Variants in RXRA observed in about 807,000 individuals in gnomAD.
RXRA encodes the protein retinoid X receptor alpha.
A neutral mutation model predicts 44.5 loss-of-function variants in RXRA; 5 were observed. The observed-to-expected ratio is 0.11, with a 90% confidence interval of 0.06 to 0.24. RXRA has a LOEUF of 0.24. RXRA is among the 10% of genes least tolerant of loss of function. The pLI, the probability that RXRA is intolerant of heterozygous loss-of-function variation, is 1.00. For synonymous variants in RXRA, 291 were observed against 271.4 expected (o/e 1.07, Z -0.71); for missense variants, 412 against 646.5 (o/e 0.64, Z 3.93).
At chr9:134,391,538 T>C (rs1475825358) in intron 1 of RXRA, among the ~76,000 whole-genome samples, 1 of 152,200 alleles carries the variant, frequency 6.6e-6, no homozygotes, top group East Asian at 1.9e-4. Flanking sequence ...CTCCAGGAAT[T>C]CCCCTGCTTC....
rs117610793 is a variant in RXRA, at chr9:134,369,930, G to A, written c.29-31702G>A. 1.1e-4 allele frequency among the ~76,000 whole-genome samples: 16 copies of A among 152,302 alleles called. No individual in the cohort carries two copies. The East Asian group carries it at 1.5e-3, about 15-fold the overall frequency. On this transcript the variant is annotated intron_variant, in intron 1 of 9. Transcript: ENST00000481739. ...CAGCATGTGTACTGTGTTTGCACACGTGGGAGCTCGCCACGGAGTCTGCCT... is the reference window on the plus strand; with the variant it reads ...CAGCATGTGTACTGTGTTTGCACACATGGGAGCTCGCCACGGAGTCTGCCT...
At chr9:134,408,541 A>G (rs1458406358) in intron 3 of RXRA, among the ~76,000 whole-genome samples, 2 of 152,144 alleles carry the variant, frequency 1.3e-5, no homozygotes, top group Non-Finnish European at 2.9e-5. Context: ...AGGCTTCCGG[A>G]GAGGAGGTGG....
At position 134,408,990 on chromosome 9, in the gene RXRA, C is replaced by A; in HGVS notation, c.481C>A (p.Arg161=). Residue 161 remains arginine (R), a synonymous_variant, in exon 4 of 10, where the codon CGG becomes AGG. Transcript: ENST00000481739. The part of the protein sequence containing the change: ...SCEGCKGFFK[R]TVRKDLTYTC... The stretch of plus-strand genomic sequence containing the variant: ...CGAGGGGTGCAAGGGCTTCTTCAAG[C>A]GGACGGTGCGCAAGGACCTGACCTA... The A allele has an allele frequency of 1.2e-6, 2 of 1,607,516 alleles. No homozygotes were observed. Among genetic ancestry groups the A allele is most frequent in the Non-Finnish European group, 8.5e-7 (1 of 1,177,042 alleles).
At position 134,386,950 on chromosome 9, in the gene RXRA, G is replaced by A. The variant is rs556201359; in HGVS notation, c.29-14682G>A. ...GGTTGTGGCAGGGACTTGTGTAGCC[G>A]GAGGGGTGCAGTGGACCTGACCCCG... On this transcript the variant is annotated intron_variant, in intron 1 of 9. Transcript: ENST00000481739. Among the ~76,000 whole-genome samples, 5 of 152,304 alleles carry A rather than the reference G, an allele frequency of 3.3e-5. No individual in the cohort carries two copies. The South Asian group carries it at 6.2e-4, about 19-fold the overall frequency.
intron 1 of RXRA, among the ~76,000 whole-genome samples, chr9:134,347,262 G>A (rs1238823818): frequency 2.0e-5 from 3 of 152,226 alleles, no homozygotes; most frequent in Admixed American, 2.0e-4. Context: ...GCCAAGGGAA[G>A]TAATAATGTT....
intron 1 of RXRA, chr9:134,379,956 T>C: frequency 2.0e-6 from 2 of 985,222 alleles, no homozygotes; most frequent in Non-Finnish European, 2.4e-6. Flanking sequence ...CCTGCTCCCC[T>C]GGGGGTTGGT....
At chr9:134,367,851 T>TCCTGGGC (rs1830433489) in intron 1 of RXRA, among the ~76,000 whole-genome samples, 1 of 152,204 alleles carries the variant, frequency 6.6e-6, no homozygotes, top group African/African-American at 2.4e-5. Flanking sequence ...CGAAACTGGT[T>TCCTGGGC]CCTGGGCCCC....
chr9:134,354,836 C>T (rs1435879565), intron 1 of RXRA, among the ~76,000 whole-genome samples: 1 of 152,274 alleles, frequency 6.6e-6, no homozygotes, highest in African/African-American at 2.4e-5. Flanking sequence ...GGATTTGCCT[C>T]TCCCCGTCCC....
At chr9:134,427,889 C>T (rs765081889) in intron 6 of RXRA, among the ~76,000 whole-genome samples, 1 of 152,192 alleles carries the variant, frequency 6.6e-6, no homozygotes, top group Non-Finnish European at 1.5e-5. Context: ...GCCTCTAGAG[C>T]GCTCAGGGAG....
chr9:134,370,757 G>T (rs374682164), intron 1 of RXRA, among the ~76,000 whole-genome samples: 4 of 152,196 alleles, frequency 2.6e-5, no homozygotes, highest in Admixed American at 2.6e-4. Flanking sequence ...GTGTGGCGGC[G>T]CCGGGTGGGC....
At chr9:134,386,590 G>A (rs1239804351) in intron 1 of RXRA, among the ~76,000 whole-genome samples, 2 of 152,312 alleles carry the variant, frequency 1.3e-5, no homozygotes, top group South Asian at 2.1e-4. Flanking sequence ...GTCTGGTCAC[G>A]GCTGCTCCGT....
rs941675907 is a variant in RXRA at position 134,426,882 on chromosome 9, A to T, written c.911-2226A>T. ...GCCCTTGGCCACAGGAAGTCTGTCC[A>T]CACTGGGCCTGGTGTGGGAAGGGAG... On this transcript the variant is annotated intron_variant, in intron 6 of 9. Transcript: ENST00000481739. This position sits in a 1 kb window ranked among gnomAD's most constrained non-coding sequence, Gnocchi z 4.6. 2.0e-6 allele frequency: 2 copies of T among 985,380 alleles called. No homozygotes were observed. Among genetic ancestry groups the T allele is most frequent in the Non-Finnish European group, 2.4e-6 (2 of 829,896 alleles). 61.0% of individuals were successfully genotyped at this position (985,380 alleles called of 1,614,324 possible). A position where few individuals can be genotyped will look rare whatever the true frequency, so the allele number is the denominator to read the frequency against.
At chr9:134,335,546 G>A (rs1260061052) in intron 1 of RXRA, among the ~76,000 whole-genome samples, 2 of 152,210 alleles carry the variant, frequency 1.3e-5, no homozygotes, top group African/African-American at 4.8e-5. Flanking sequence ...GGCTCCTCTG[G>A]CCTGCCCCTT....
intron 1 of RXRA, among the ~76,000 whole-genome samples, chr9:134,339,302 C>T (rs1190961518): frequency 6.6e-6 from 1 of 152,262 alleles, no homozygotes; most frequent in Non-Finnish European, 1.5e-5. Context: ...CCCAGACCCT[C>T]CTCTGTCTGC....
At chr9:134,391,486 G>C (rs994677357) in intron 1 of RXRA, among the ~76,000 whole-genome samples, 3 of 152,156 alleles carry the variant, frequency 2.0e-5, no homozygotes, top group African/African-American at 7.2e-5. Flanking sequence ...CAGGCTGGGG[G>C]CCCCCTCGCC....
At chr9:134,384,589 G>T (rs1381654607) in intron 1 of RXRA, among the ~76,000 whole-genome samples, 1 of 152,124 alleles carries the variant, frequency 6.6e-6, no homozygotes, top group Non-Finnish European at 1.5e-5. Context: ...AGCTGTGGGT[G>T]CAGGGTGAGC....
In RXRA at chr9:134,366,525, C is replaced by A. The variant is rs1830416832; in HGVS notation, c.29-35107C>A. On this transcript the variant is annotated intron_variant, in intron 1 of 9. Transcript: ENST00000481739. The surrounding 1 kb of genome is among the most constrained non-coding windows in gnomAD (Gnocchi z 5.9). ...GGAGTCCCCCTCCCCAGCAGCCACCCCGTGCCATGGGCCTCCAGGTCCCCC... is the reference window on the plus strand; with the variant it reads ...GGAGTCCCCCTCCCCAGCAGCCACCACGTGCCATGGGCCTCCAGGTCCCCC... Among the ~76,000 whole-genome samples, 1 of 152,224 alleles carries A rather than the reference C, an allele frequency of 6.6e-6. No individual in the cohort carries two copies.
chr9:134,413,253 G>A (rs1785945240), intron 4 of RXRA, among the ~76,000 whole-genome samples: 1 of 152,076 alleles, frequency 6.6e-6, no homozygotes, highest in Non-Finnish European at 1.5e-5. Context: ...CAGTGGTCAC[G>A]TGTGGGTGTG....
intron 1 of RXRA, among the ~76,000 whole-genome samples, chr9:134,339,071 C>T (rs1490154094): frequency 1.3e-5 from 2 of 152,184 alleles, no homozygotes; most frequent in Non-Finnish European, 2.9e-5. Context: ...GGTCGCCGGC[C>T]GTGTGCCTGG....
Sources: allele counts gnomAD v4.1 joint callset (sites outside exome capture counted in the v4.1 genomes callset), GRCh38; gene constraint gnomAD v4.1.1; non-coding constraint Gnocchi (gnomAD v3.1); transcripts MANE v1.5; gene names NCBI Gene and HGNC (gene_info 2026-07-23, HGNC 2026-07-21).